PDE10A: variants seen among roughly 807,000 people sequenced by gnomAD.
The protein encoded by PDE10A is phosphodiesterase 10A.
A neutral mutation model predicts 97.7 loss-of-function variants in PDE10A; 39 were observed. The ratio of observed to expected loss-of-function variants is 0.40; its 90% confidence interval spans 0.31 to 0.52. PDE10A has a LOEUF of 0.52. Ranked by LOEUF, PDE10A falls within the 20% of genes least tolerant of loss-of-function variation. PDE10A has a pLI of 0.56. For missense variants in PDE10A, 731 were observed against 1,047.8 expected, an observed-to-expected ratio of 0.70 and a Z score of 4.17; for synonymous variants, 371 against 376.8, an observed-to-expected ratio of 0.98 and a Z score of 0.18.
At chr6:165,704,652 A>G (rs1375825940) in intron 1 of PDE10A, among the ~76,000 whole-genome samples, 1 of 152,194 alleles carries the variant, frequency 6.6e-6, no homozygotes, top group African/African-American at 2.4e-5. Flanking sequence ...AAAATAAATA[A>G]ATAAAATAAA....
intron 1 of PDE10A, among the ~76,000 whole-genome samples, chr6:165,588,209 T>C (rs1279590815): frequency 6.6e-6 from 1 of 151,826 alleles, no homozygotes; most frequent in Non-Finnish European, 1.5e-5. Context: ...CATCTTAATA[T>C]TAGAAAAAAA....
At chr6:165,852,924 T>C (rs1780612333) in intron 1 of PDE10A, among the ~76,000 whole-genome samples, 1 of 152,254 alleles carries the variant, frequency 6.6e-6, no homozygotes, top group Admixed American at 6.5e-5. Context: ...TTCTGCCTCC[T>C]GCGATCTGGT....
chr6:165,848,184 G>A lies in PDE10A; in HGVS notation c.-615+139345C>T, dbSNP rs185820838. ...GAAGCAGCCCATTCTTGTTCTTGACGCATTCATTCTACAAGCACTTACTGA... is the reference window on the plus strand; with the variant it reads ...GAAGCAGCCCATTCTTGTTCTTGACACATTCATTCTACAAGCACTTACTGA... On this transcript the variant is annotated intron_variant, in intron 1 of 19. Transcript: ENST00000366882. 3.9e-5 allele frequency among the ~76,000 whole-genome samples: 6 copies of A among 152,136 alleles called. No individual in the cohort carries two copies. In the East Asian group the frequency reaches 7.7e-4, roughly 20 times the overall value.
intron 18 of PDE10A, among the ~76,000 whole-genome samples, chr6:165,371,873 T>C (rs1784275577): frequency 6.6e-6 from 1 of 152,078 alleles, no homozygotes; most frequent in South Asian, 2.1e-4. Context: ...AAAAAGCTTA[T>C]CCACCATGAG....
intron 1 of PDE10A, among the ~76,000 whole-genome samples, chr6:165,656,258 TCACACACACACACACACA>T (rs3083000): frequency 7.7e-6 from 1 of 129,840 alleles, no homozygotes; most frequent in Non-Finnish European, 1.6e-5. Flanking sequence ...TCTCTCTCTC[TCACACACACACACACACA>T]CACACACACA....
chr6:165,702,858 C>T lies in PDE10A; in HGVS notation c.-614-159290G>A, dbSNP rs570668771. On this transcript the variant is annotated intron_variant, in intron 1 of 19. Coordinates refer to the PDE10A transcript ENST00000366882. ...GAACCACGTGAATGTGAGGCTCTGACGTTCCTAACACATGAGATGACTCTG... is the reference window on the plus strand; with the variant it reads ...GAACCACGTGAATGTGAGGCTCTGATGTTCCTAACACATGAGATGACTCTG... Among the ~76,000 whole-genome samples, 23 of 152,172 alleles carry T rather than the reference C, an allele frequency of 1.5e-4. No individual in the cohort carries two copies. The South Asian group carries it at 1.7e-3, about 11-fold the overall frequency.
At chr6:165,682,976 TG>T (rs1791017351) in intron 1 of PDE10A, among the ~76,000 whole-genome samples, 3 of 152,330 alleles carry the variant, frequency 2.0e-5, no homozygotes, top group Admixed American at 1.3e-4. Flanking sequence ...TAAAATTGTC[TG>T]TTCATTGTGT....
At chr6:165,339,215 G>A in intron 20 of PDE10A, 63 bp downstream of exon 20, 1 of 933,132 alleles carries the variant, frequency 1.1e-6, no homozygotes, top group South Asian at 1.3e-5. Flanking sequence ...ATTTATGTAT[G>A]ATTTTATGCC....
chr6:165,818,009 G>A (rs1009546679), intron 1 of PDE10A, among the ~76,000 whole-genome samples: 3 of 152,196 alleles, frequency 2.0e-5, no homozygotes, highest in Non-Finnish European at 2.9e-5. Flanking sequence ...ACTTCACACG[G>A]TGGCATGTAG....
intron 1 of PDE10A, among the ~76,000 whole-genome samples, chr6:165,934,352 G>GA (rs1277126535): frequency 6.6e-6 from 1 of 151,676 alleles, no homozygotes; most frequent in African/African-American, 2.4e-5. Flanking sequence ...GAGATCTTTA[G>GA]CTGCACCAAA....
chr6:165,973,066 A>T (rs538462079), intron 1 of PDE10A, among the ~76,000 whole-genome samples: 39 of 152,196 alleles, frequency 2.6e-4, no homozygotes, highest in African/African-American at 8.7e-4. Context: ...AATCGATTTC[A>T]TAGCTCACAA....
intron 1 of PDE10A, among the ~76,000 whole-genome samples, chr6:165,978,187 A>C (rs776360): frequency 0.54 from 82,544 of 152,086 alleles, 23,421 homozygotes; most frequent in East Asian, 0.83. Context: ...TTCCCGTAAA[A>C]TTCACCTAAG....
intron 1 of PDE10A, among the ~76,000 whole-genome samples, chr6:165,650,476 CCTTT>C (rs1348315949): frequency 1.4e-5 from 2 of 140,800 alleles, no homozygotes; most frequent in East Asian, 2.0e-4. Flanking sequence ...CTTTTATTGT[CCTTT>C]CTAACATAAA....
At chr6:165,724,392 G>A (rs986726570) in intron 1 of PDE10A, among the ~76,000 whole-genome samples, 3 of 152,178 alleles carry the variant, frequency 2.0e-5, no homozygotes, top group Admixed American at 6.5e-5. Flanking sequence ...AGCTATGCAA[G>A]TGCAAAATTA....
chr6:165,605,255 AC>A (rs1787151951), intron 1 of PDE10A, among the ~76,000 whole-genome samples: 3 of 152,190 alleles, frequency 2.0e-5, no homozygotes, highest in African/African-American at 7.2e-5. Flanking sequence ...ATATTAAAAA[AC>A]AAAACAAAAA....
chr6:165,813,440 C>T (rs1779331204), intron 1 of PDE10A, among the ~76,000 whole-genome samples: 1 of 126,032 alleles, frequency 7.9e-6, no homozygotes, highest in South Asian at 2.6e-4. Flanking sequence ...CTGGAGGTGA[C>T]CTAGTGACTT....
intron 1 of PDE10A, among the ~76,000 whole-genome samples, chr6:165,974,442 C>G (rs1212797358): frequency 6.6e-6 from 1 of 152,162 alleles, no homozygotes; most frequent in Non-Finnish European, 1.5e-5. Context: ...CTGTCTGCCC[C>G]TTGTGGGGAT....
At chr6:165,648,649 A>C (rs1562657314) in intron 1 of PDE10A, among the ~76,000 whole-genome samples, 1 of 152,210 alleles carries the variant, frequency 6.6e-6, no homozygotes. Flanking sequence ...AAATACATTC[A>C]AAAATGGACC....
chr6:165,965,831 T>C (rs1390695676), intron 1 of PDE10A, among the ~76,000 whole-genome samples: 2 of 152,252 alleles, frequency 1.3e-5, no homozygotes, highest in Non-Finnish European at 2.9e-5. Context: ...CCAACAGCAC[T>C]GAAGACAGCC....
Sources: gnomAD v4.1 joint callset for allele counts (sites outside exome capture counted in the v4.1 genomes callset) on GRCh38, gnomAD v4.1.1 for gene constraint, MANE v1.5 for transcripts, NCBI Gene and HGNC (gene_info 2026-07-23, HGNC 2026-07-21) for gene names.